The following DPP6 variants were observed in gnomAD, a reference collection of about 807,000 sequenced individuals.
The protein encoded by DPP6 is A-type potassium channel modulatory protein DPP6.
DPP6 carries 69 observed loss-of-function variants against 122.6 expected under a neutral mutation model. That is an observed-to-expected ratio of 0.56 (90% CI 0.46 to 0.69). DPP6 has a LOEUF of 0.69. Ranked by LOEUF, DPP6 falls within the 30% of genes least tolerant of loss-of-function variation. The probability of loss-of-function intolerance (pLI) is 0.00; values close to 1 mark genes in which losing one functional copy is unlikely to be tolerated. For missense variants in DPP6, 928 were observed against 1,116.9 expected (o/e 0.83, Z 2.41); for synonymous variants, 418 against 433.1 (o/e 0.97, Z 0.43).
intron 1 of DPP6, among the ~76,000 whole-genome samples, chr7:153,923,242 A>T (rs1800726834): frequency 6.6e-6 from 1 of 152,222 alleles, no homozygotes. Context: ...ATTGCCTGTT[A>T]GAAAGACCTG....
At chr7:154,243,782 C>T (rs1282711154) in intron 1 of DPP6, among the ~76,000 whole-genome samples, 1 of 151,000 alleles carries the variant, frequency 6.6e-6, no homozygotes, top group East Asian at 2.0e-4. Context: ...GGCGACAGTG[C>T]AAGACTCCAT....
intron 3 of DPP6, among the ~76,000 whole-genome samples, chr7:154,524,554 G>A: frequency 6.6e-6 from 1 of 152,206 alleles, no homozygotes; most frequent in Non-Finnish European, 1.5e-5. Context: ...CTTCTTGGAT[G>A]ACTGGAGCAA....
chr7:153,855,499 G>A, the DPP6 span, among the ~76,000 whole-genome samples: 1 of 152,154 alleles, frequency 6.6e-6, no homozygotes, highest in Admixed American at 6.5e-5. Context: ...GTTTGCTGCT[G>A]TTGTTGTTCT....
intron 1 of DPP6, among the ~76,000 whole-genome samples, chr7:154,278,317 A>G (rs972379107): frequency 6.6e-6 from 1 of 152,218 alleles, no homozygotes; most frequent in African/African-American, 2.4e-5. Context: ...TTCACACTCC[A>G]GAAAATTCTA....
At chr7:154,502,969 C>A (rs1001255387) in intron 3 of DPP6, among the ~76,000 whole-genome samples, 1 of 152,126 alleles carries the variant, frequency 6.6e-6, no homozygotes, top group African/African-American at 2.4e-5. Context: ...TGCTCATCAT[C>A]AAAAAACTTG....
intron 1 of DPP6, among the ~76,000 whole-genome samples, chr7:153,937,184 G>C (rs1563026171): frequency 6.6e-6 from 1 of 152,164 alleles, no homozygotes; most frequent in Non-Finnish European, 1.5e-5. Context: ...CCACCCTTAG[G>C]ATAGCCAGAG....
intron 1 of DPP6, among the ~76,000 whole-genome samples, chr7:154,089,405 C>G (rs1804651352): frequency 7.3e-6 from 1 of 136,206 alleles, no homozygotes; most frequent in Admixed American, 7.8e-5. Context: ...AGATTTAACC[C>G]AAGTCCTGGT....
In DPP6 at chr7:154,620,682, G is replaced by T. The variant is rs571542410; in HGVS notation, c.628-17139G>T. Among the ~76,000 whole-genome samples the T allele has an allele frequency of 2.0e-5, 3 of 152,312 alleles. No individual in the cohort carries two copies. In the East Asian group the frequency reaches 5.8e-4, roughly 29 times the overall value. ...GTGGAGTCCTCTCTATAGCAGAGGT[G>T]ATGTTACGAGCTGTAACGACGTCCC... is the stretch of plus-strand genomic sequence containing the variant. On this transcript the variant is annotated intron_variant, in intron 5 of 25. Transcript: ENST00000377770.
At chr7:154,778,991 C>T in intron 10 of DPP6, among the ~76,000 whole-genome samples, 1 of 150,772 alleles carries the variant, frequency 6.6e-6, no homozygotes, top group South Asian at 2.1e-4. Flanking sequence ...CCTCCATCAC[C>T]TCCACAACCT....
At chr7:153,965,016 C>T (rs1795618358) in intron 1 of DPP6, among the ~76,000 whole-genome samples, 1 of 135,232 alleles carries the variant, frequency 7.4e-6, no homozygotes, top group Non-Finnish European at 1.5e-5. Context: ...TCCTTCCTTC[C>T]TTCCTTCCTT....
chr7:153,814,026 A>G, the DPP6 span, among the ~76,000 whole-genome samples: 1 of 152,012 alleles, frequency 6.6e-6, no homozygotes, highest in East Asian at 1.9e-4. Flanking sequence ...GTTTAGTTTA[A>G]TTAGATCCCA....
At chr7:154,879,104 T>A (rs10249049) in intron 20 of DPP6, among the ~76,000 whole-genome samples, 37,698 of 152,026 alleles carry the variant, frequency 0.25, 5,792 homozygotes, top group East Asian at 0.54. Context: ...GTTGCCAGGG[T>A]CTCTGGGGGC....
Position 154,127,424 on chromosome 7 carries a change from C to T in DPP6, c.243+74361C>T, listed in dbSNP as rs146033027. 3.0e-3 allele frequency among the ~76,000 whole-genome samples: 455 copies of T among 152,236 alleles called. 2 individuals are homozygous for T. The highest frequency in any genetic ancestry group is 0.017 in the Middle Eastern group (5 of 294). On this transcript the variant is annotated intron_variant, in intron 1 of 25. Transcript: ENST00000377770. ...AGTCAAGAAAAGGGCTTTACTTGCA[C>T]TGGAGAAGACTTCCCCTCATGCACG...
At chr7:153,848,165 A>C in the DPP6 span, among the ~76,000 whole-genome samples, 117,863 of 151,850 alleles carry the variant, frequency 0.78, 46,097 homozygotes, top group Non-Finnish European at 0.83. Context: ...GCTAGCGCTG[A>C]GGGCATTTAT....
rs577741805 is a variant in DPP6 at position 154,775,464 on chromosome 7, T to G, written c.1136+2522T>G. Among the ~76,000 whole-genome samples the G allele has an allele frequency of 8.1e-4, 124 of 152,234 alleles. 1 individual carries two copies. The Middle Eastern group carries it at 0.02, about 25-fold the overall frequency. ...CCAACCACCCAACCAGCATTTCTACTGGGAGTGGTCACCATATAATTTTTA... is the reference window on the plus strand; with the variant it reads ...CCAACCACCCAACCAGCATTTCTACGGGGAGTGGTCACCATATAATTTTTA... On this transcript the variant is annotated intron_variant, in intron 10 of 25. Transcript: ENST00000377770.
intron 7 of DPP6, among the ~76,000 whole-genome samples, chr7:154,712,288 TAGTC>T (rs1398486542): frequency 1.3e-5 from 2 of 152,334 alleles, no homozygotes; most frequent in East Asian, 1.9e-4. Flanking sequence ...CTGATTATCT[TAGTC>T]AATAATAATT....
chr7:154,062,642 C>A (rs1452664712), intron 1 of DPP6, among the ~76,000 whole-genome samples: 1 of 51,580 alleles, frequency 1.9e-5, no homozygotes. Context: ...GGACCCCCAT[C>A]GCAGGAGGGG....
rs185479824 is a variant in DPP6, at chr7:154,621,898, C to T, written c.628-15923C>T. On this transcript the variant is annotated intron_variant, in intron 5 of 25. Coordinates refer to ENST00000377770, the MANE Select transcript of DPP6 (RefSeq NM_130797.4). ...AGAATGTCTGGGAAAAGAGGCTTGT[C>T]GTACCATGTGATGTAAAGTACTAAC... is the stretch of plus-strand genomic sequence containing the variant. Among the ~76,000 whole-genome samples, 34 of 152,246 alleles carry T rather than the reference C, an allele frequency of 2.2e-4. No individual in the cohort carries two copies. In the East Asian group the frequency reaches 3.9e-3, roughly 17 times the overall value.
At chr7:154,589,441 G>A (rs1832674478) in intron 5 of DPP6, among the ~76,000 whole-genome samples, 1 of 152,160 alleles carries the variant, frequency 6.6e-6, no homozygotes, top group Non-Finnish European at 1.5e-5. Flanking sequence ...TTCTTCATCA[G>A]CTAATTTAAG....
Sources: gnomAD v4.1 joint callset for allele counts (sites outside exome capture counted in the v4.1 genomes callset) on GRCh38, gnomAD v4.1.1 for gene constraint, MANE v1.5 for transcripts, NCBI Gene and HGNC (gene_info 2026-07-23, HGNC 2026-07-21) for gene names.